GRM5: variants seen among roughly 807,000 people sequenced by gnomAD.
GRM5 encodes the protein metabotropic glutamate receptor 5.
GRM5 carries 19 observed loss-of-function variants against 83.1 expected under a neutral mutation model. The ratio of observed to expected loss-of-function variants is 0.23; its 90% CI spans 0.16 to 0.34. The LOEUF (loss-of-function observed/expected upper bound fraction) is 0.34, where lower values mean the gene tolerates loss of function less well. Ranked by LOEUF, GRM5 falls within the 10% of genes least tolerant of loss-of-function variation. The probability of loss-of-function intolerance (pLI) is 1.00; values close to 1 mark genes in which losing one functional copy is unlikely to be tolerated. For missense variants in GRM5, 1,160 were observed against 1,588.3 expected (o/e 0.73, Z 4.58); for synonymous variants, 675 against 633.6 (o/e 1.07, Z -0.98).
At chr11:89,054,898 A>C (rs1482750817) in intron 1 of GRM5, among the ~76,000 whole-genome samples, 1 of 152,176 alleles carries the variant, frequency 6.6e-6, no homozygotes, top group East Asian at 1.9e-4. Context: ...AGTACTTTTA[A>C]TTTTATTTTC....
intron 3 of GRM5, among the ~76,000 whole-genome samples, chr11:88,735,970 C>G (rs927606092): frequency 2.0e-5 from 3 of 151,950 alleles, no homozygotes; most frequent in Non-Finnish European, 4.4e-5. Context: ...GTGACATTTC[C>G]TTTTATGATT....
At chr11:88,732,468 C>G (rs1489456975) in intron 3 of GRM5, among the ~76,000 whole-genome samples, 1 of 152,068 alleles carries the variant, frequency 6.6e-6, no homozygotes, top group Non-Finnish European at 1.5e-5. Context: ...GTGCCACACA[C>G]TGTGCTGGGC....
At chr11:88,676,280 A>G (rs535488573) in intron 3 of GRM5, among the ~76,000 whole-genome samples, 4 of 151,968 alleles carry the variant, frequency 2.6e-5, no homozygotes, top group Non-Finnish European at 4.4e-5. Flanking sequence ...AAGTTCTTCA[A>G]AGGACATTAT....
chr11:88,529,044 C>T (rs1941947083), intron 8 of GRM5, among the ~76,000 whole-genome samples: 1 of 152,010 alleles, frequency 6.6e-6, no homozygotes, highest in Non-Finnish European at 1.5e-5. Flanking sequence ...TTCTTGACCC[C>T]GTTTTGCAAA....
At chr11:88,715,450 A>G (rs1331061540) in intron 3 of GRM5, among the ~76,000 whole-genome samples, 8 of 151,824 alleles carry the variant, frequency 5.3e-5, no homozygotes, top group South Asian at 2.1e-4. Context: ...AAAACTATAT[A>G]ATTCTCAATA....
At chr11:88,926,301 TAC>T (rs1191456196) in intron 2 of GRM5, among the ~76,000 whole-genome samples, 1 of 152,186 alleles carries the variant, frequency 6.6e-6, no homozygotes, top group Non-Finnish European at 1.5e-5. Context: ...CTTTGTTTTC[TAC>T]AGTGTGAGTT....
chr11:88,909,683 T>C (rs1407592530), intron 2 of GRM5, among the ~76,000 whole-genome samples: 2 of 152,080 alleles, frequency 1.3e-5, no homozygotes, highest in Non-Finnish European at 2.9e-5. Flanking sequence ...ATCTCCAAGA[T>C]GCAGAGGGTG....
chr11:88,724,025 T>A (rs1324251298), intron 3 of GRM5, among the ~76,000 whole-genome samples: 1 of 152,156 alleles, frequency 6.6e-6, no homozygotes, highest in Non-Finnish European at 1.5e-5. Flanking sequence ...CTTTTAAAAA[T>A]GAAAATCCAA....
At chr11:88,640,205 T>C (rs1249398399) in intron 4 of GRM5, among the ~76,000 whole-genome samples, 1 of 152,212 alleles carries the variant, frequency 6.6e-6, no homozygotes, top group African/African-American at 2.4e-5. Flanking sequence ...TTGTCTGATA[T>C]GAAGACACAA....
chr11:88,658,641 C>T (rs138924334), intron 3 of GRM5, among the ~76,000 whole-genome samples: 12 of 152,068 alleles, frequency 7.9e-5, no homozygotes, highest in African/African-American at 2.7e-4. Flanking sequence ...GAGAGCAGAT[C>T]AATAAATAAT....
chr11:88,840,771 G>A (rs1163800712), intron 3 of GRM5, among the ~76,000 whole-genome samples: 1 of 152,120 alleles, frequency 6.6e-6, no homozygotes, highest in Non-Finnish European at 1.5e-5. Flanking sequence ...TAATCTAGAG[G>A]CTGAATTAGA....
At chr11:88,961,630 A>C (rs28627179) in intron 2 of GRM5, among the ~76,000 whole-genome samples, 5,537 of 152,300 alleles carry the variant, frequency 0.036, 340 homozygotes, top group African/African-American at 0.13. Flanking sequence ...TGCTAATTAA[A>C]TTCTTCCTTT....
intron 2 of GRM5, among the ~76,000 whole-genome samples, chr11:89,015,356 C>CA (rs1565336397): frequency 6.6e-6 from 1 of 152,202 alleles, no homozygotes; most frequent in Non-Finnish European, 1.5e-5. Context: ...CACATGCTAT[C>CA]ACCTTGGTGG....
intron 2 of GRM5, among the ~76,000 whole-genome samples, chr11:88,956,609 A>G (rs951259673): frequency 5.9e-5 from 9 of 151,410 alleles, no homozygotes; most frequent in African/African-American, 9.7e-5. Flanking sequence ...AATCGAGACC[A>G]TCCTGGCTAA....
intron 4 of GRM5, among the ~76,000 whole-genome samples, chr11:88,631,055 G>A (rs1017518679): frequency 6.6e-6 from 1 of 152,088 alleles, no homozygotes; most frequent in Admixed American, 6.6e-5. Flanking sequence ...AGTGACACTG[G>A]CAATTACTGA....
chr11:88,605,649 A>G (rs1276565894), intron 4 of GRM5, among the ~76,000 whole-genome samples: 1 of 152,210 alleles, frequency 6.6e-6, no homozygotes, highest in Non-Finnish European at 1.5e-5. Context: ...CCAATAACAG[A>G]GATAAATTAT....
At chr11:88,551,804 T>C (rs1379518109) in intron 8 of GRM5, among the ~76,000 whole-genome samples, 1 of 152,134 alleles carries the variant, frequency 6.6e-6, no homozygotes, top group East Asian at 1.9e-4. Flanking sequence ...CATGGGCACA[T>C]GGTACATCAC....
chr11:88,748,643 T>C (rs58628410), intron 3 of GRM5, among the ~76,000 whole-genome samples: 4,500 of 152,238 alleles, frequency 0.03, 122 homozygotes, highest in East Asian at 0.12. Flanking sequence ...CCTGACTGAA[T>C]GAGACCTTCC....
At chr11:88,958,142 G>A (rs1240133960) in intron 2 of GRM5, among the ~76,000 whole-genome samples, 1 of 151,698 alleles carries the variant, frequency 6.6e-6, no homozygotes, top group Non-Finnish European at 1.5e-5. Context: ...GAAGCCTTCA[G>A]GAGTCCCTAC....
Sources: gnomAD v4.1 joint callset for allele counts (sites outside exome capture counted in the v4.1 genomes callset) on GRCh38, gnomAD v4.1.1 for gene constraint, MANE v1.5 for transcripts, NCBI Gene and HGNC (gene_info 2026-07-23, HGNC 2026-07-21) for gene names.